LPAR1: variants seen among roughly 807,000 people sequenced by gnomAD.
The protein encoded by LPAR1 is LPA receptor 1.
In LPAR1, 5 loss-of-function variants were observed where a neutral mutation model predicts 23.8. The observed-to-expected ratio is 0.21, with a 90% confidence interval of 0.11 to 0.44. LPAR1 has a LOEUF of 0.44. Ranked by LOEUF, LPAR1 falls within the 20% of genes least tolerant of loss-of-function variation. The probability of loss-of-function intolerance (pLI) is 0.99; values close to 1 mark genes in which losing one functional copy is unlikely to be tolerated. For synonymous variants in LPAR1, 160 were observed against 164.7 expected (o/e 0.97, Z 0.22); for missense variants, 311 against 482.8 (o/e 0.64, Z 3.33).
At chr9:110,938,642 C>T (rs1487085435) in intron 5 of LPAR1, among the ~76,000 whole-genome samples, 2 of 151,542 alleles carry the variant, frequency 1.3e-5, no homozygotes, top group Non-Finnish European at 2.9e-5. Flanking sequence ...TCACTGGAAC[C>T]CAGAAGCTCA....
rs55742853 is a variant in LPAR1 at position 110,889,283 on chromosome 9, G to A, written c.794-13561C>T. 4.7e-3 allele frequency among the ~76,000 whole-genome samples: 708 copies of A among 152,238 alleles called. 3 individuals are homozygous for A. Among genetic ancestry groups the A allele is most frequent in the African/African-American group, 0.015 (636 of 41,538 alleles). ...TGAGGCAGGAGAATGGTGTGAAGCC[G>A]GGAGGCGGAGCTTGCAGTGAGCCGA... On this transcript the variant is annotated intron_variant, in intron 5 of 5. Coordinates refer to ENST00000683809, the MANE Select transcript of LPAR1 (RefSeq NM_001351411.2).
intron 3 of LPAR1, among the ~76,000 whole-genome samples, chr9:110,972,564 C>T (rs1199899020): frequency 6.6e-6 from 1 of 152,118 alleles, no homozygotes; most frequent in Non-Finnish European, 1.5e-5. Context: ...CAGTGGAGAG[C>T]TGACGGCTTA....
intron 2 of LPAR1, among the ~76,000 whole-genome samples, chr9:111,032,459 C>T (rs2097817197): frequency 1.3e-5 from 2 of 152,122 alleles, no homozygotes; most frequent in South Asian, 4.1e-4. Context: ...GGGTGGGAAT[C>T]CTGCCTTATT....
intron 2 of LPAR1, among the ~76,000 whole-genome samples, chr9:110,990,543 T>A (rs553764250): frequency 6.6e-6 from 1 of 152,088 alleles, no homozygotes; most frequent in Non-Finnish European, 1.5e-5. Flanking sequence ...TTGAATATTT[T>A]GAACTAAATG....
chr9:110,924,789 T>G (rs903244843), intron 5 of LPAR1, among the ~76,000 whole-genome samples: 8 of 152,240 alleles, frequency 5.3e-5, no homozygotes, highest in African/African-American at 1.9e-4. Context: ...AAGTCATACA[T>G]AAAATTCATT....
intron 3 of LPAR1, among the ~76,000 whole-genome samples, chr9:110,972,946 CA>C (rs200478953): frequency 6.6e-6 from 1 of 150,842 alleles, no homozygotes; most frequent in East Asian, 1.9e-4. Context: ...GACTCCTTCT[CA>C]AAAAAAAGAA....
At chr9:110,918,149 A>C (rs2093348237) in intron 5 of LPAR1, among the ~76,000 whole-genome samples, 1 of 152,052 alleles carries the variant, frequency 6.6e-6, no homozygotes, top group African/African-American at 2.4e-5. Flanking sequence ...CGAACTCCTA[A>C]GCTCAAGCAA....
At chr9:111,005,888 C>T (rs2097210038) in intron 2 of LPAR1, among the ~76,000 whole-genome samples, 1 of 152,174 alleles carries the variant, frequency 6.6e-6, no homozygotes. Flanking sequence ...TGTTGGTGTG[C>T]CCTGCTATAT....
At chr9:110,898,843 G>T (rs2087507169) in intron 5 of LPAR1, among the ~76,000 whole-genome samples, 1 of 152,104 alleles carries the variant, frequency 6.6e-6, no homozygotes. Context: ...ATAAAATCAG[G>T]CCTTTCACGT....
intron 2 of LPAR1, among the ~76,000 whole-genome samples, chr9:111,024,531 A>AGT (rs1203744531): frequency 1.6e-3 from 227 of 142,980 alleles, no homozygotes; most frequent in African/African-American, 5.5e-3. Flanking sequence ...TATATATGGG[A>AGT]GTGTGTGTGT....
intron 2 of LPAR1, among the ~76,000 whole-genome samples, chr9:111,006,362 T>C (rs1449132148): frequency 6.6e-6 from 1 of 152,130 alleles, no homozygotes; most frequent in African/African-American, 2.4e-5. Flanking sequence ...AAAAGAAACA[T>C]ACAAAATGTT....
At chr9:110,959,275 T>G (rs1588542063) in intron 4 of LPAR1, among the ~76,000 whole-genome samples, 4 of 134,594 alleles carry the variant, frequency 3.0e-5, no homozygotes, top group Admixed American at 7.7e-5. Context: ...ACAGAGAAGG[T>G]AAGGATGGAA....
intron 2 of LPAR1, among the ~76,000 whole-genome samples, chr9:110,974,962 C>T (rs1330687391): frequency 1.3e-5 from 2 of 151,946 alleles, no homozygotes; most frequent in South Asian, 2.1e-4. Context: ...TTTATTATTC[C>T]TGGCATTATT....
chr9:110,972,188 C>T lies in LPAR1; in HGVS notation c.-71G>A, dbSNP rs185364439. The T allele has an allele frequency of 4.3e-6, 6 of 1,382,230 alleles. No homozygotes were observed. Among genetic ancestry groups the T allele is most frequent in the Non-Finnish European group, 6.2e-6 (6 of 969,430 alleles). 85.6% of individuals were successfully genotyped at this position (1,382,230 alleles called of 1,614,324 possible). A position where few individuals can be genotyped will look rare whatever the true frequency, so the allele number is the denominator to read the frequency against. On this transcript the variant is annotated 5_prime_UTR_variant, in exon 4 of 6. The change abolishes the stop of an existing upstream ORF in the 5' untranslated region. Transcript: ENST00000683809. ...GAGACAAATTTTCTTGTTTGCTGAT[C>T]AGATCGAAGTCATGCTAGGAGAAGC...
chr9:110,893,931 T>C (rs989308097), intron 5 of LPAR1, among the ~76,000 whole-genome samples: 1 of 152,222 alleles, frequency 6.6e-6, no homozygotes, highest in East Asian at 1.9e-4. Flanking sequence ...ACTTTGATAA[T>C]GATATTGATG....
chr9:110,981,595 T>TA (rs60372220), intron 2 of LPAR1, among the ~76,000 whole-genome samples: 81,329 of 150,996 alleles, frequency 0.54, 21,857 homozygotes, highest in Admixed American at 0.59. Flanking sequence ...TTTAAGGAAA[T>TA]AAAAAAAAAT....
chr9:110,935,060 T>G (rs1033699315), intron 5 of LPAR1, among the ~76,000 whole-genome samples: 1 of 152,146 alleles, frequency 6.6e-6, no homozygotes, highest in Non-Finnish European at 1.5e-5. Flanking sequence ...ACCAATTGGT[T>G]ATAAGAAGAC....
intron 2 of LPAR1, among the ~76,000 whole-genome samples, chr9:111,025,053 G>A (rs962769150): frequency 6.6e-6 from 1 of 152,046 alleles, no homozygotes; most frequent in Non-Finnish European, 1.5e-5. Context: ...ATAATCCTTT[G>A]GATATATACC....
At chr9:110,882,842 G>A (rs905229405) in intron 5 of LPAR1, among the ~76,000 whole-genome samples, 7 of 152,010 alleles carry the variant, frequency 4.6e-5, no homozygotes, top group African/African-American at 1.5e-4. Flanking sequence ...GATGATTGCC[G>A]TATTACTTTT....
Sources: allele counts gnomAD v4.1 joint callset (sites outside exome capture counted in the v4.1 genomes callset), GRCh38; gene constraint gnomAD v4.1.1; transcripts MANE v1.5; gene names NCBI Gene and HGNC (gene_info 2026-07-23, HGNC 2026-07-21).